CSDC2: variants seen among roughly 807,000 people sequenced by gnomAD.
The protein encoded by CSDC2 is cold shock domain containing C2.
In CSDC2, 8 loss-of-function variants were observed where a neutral mutation model predicts 15.8. The ratio of observed to expected loss-of-function variants is 0.51; its 90% CI spans 0.30 to 0.92. The LOEUF is 0.92. Ranked by LOEUF, CSDC2 falls within the 40% of genes least tolerant of loss-of-function variation. CSDC2 has a pLI of 0.07. For synonymous variants in CSDC2, 96 were observed against 92.3 expected (o/e 1.04, Z -0.23); for missense variants, 195 against 213.3 (o/e 0.91, Z 0.53).
At chr22:41,568,171 C>CTGTAG (rs1385468850) in intron 1 of CSDC2, among the ~76,000 whole-genome samples, 1 of 122,834 alleles carries the variant, frequency 8.1e-6, no homozygotes, top group Admixed American at 1.1e-4. Context: ...GTCGCCCAGG[C>CTGTAG]TGTAGTGCAG....
Position 41,573,725 on chromosome 22 carries a change from G to A in CSDC2, c.247G>A (p.Gly83Ser), listed in dbSNP as rs2067159798. Reference protein sequence around the residue: ...CKQFSRSQGHGFITPENGSED... With the variant: ...CKQFSRSQGHSFITPENGSED... ...GCAGTTCTCACGCTCACAGGGCCAT[G>A]GCTTCATCACCCCCGAGAACGGGTC... Residue 83 changes from glycine (G) to serine (S), a missense_variant, in exon 3 of 4, where the codon GGC becomes AGC. Coordinates refer to ENST00000306149, the MANE Select transcript of CSDC2 (RefSeq NM_014460.4). 1 of 1,613,880 alleles carries A rather than the reference G, an allele frequency of 6.2e-7. No individual in the cohort carries two copies. The highest frequency in any genetic ancestry group is 1.7e-5 in the Admixed American group (1 of 60,002).
chr22:41,566,462 A>T (rs1394555310), intron 1 of CSDC2, among the ~76,000 whole-genome samples: 3 of 149,134 alleles, frequency 2.0e-5, no homozygotes, highest in African/African-American at 7.4e-5. Flanking sequence ...AAAAAAAAAA[A>T]AAAAACACAC....
intron 2 of CSDC2, 32 bp downstream of exon 2, chr22:41,572,173 C>A (rs371415189): frequency 3.7e-5 from 48 of 1,280,408 alleles, no homozygotes; most frequent in Non-Finnish European, 4.3e-5. Flanking sequence ...AGGCCCCTGA[C>A]CCTTGTCAGG....
rs546569800 is a variant in CSDC2, at chr22:41,561,545, G to A, written c.-124+362G>A. On this transcript the variant is annotated intron_variant, in intron 1 of 3. Transcript: ENST00000306149. The stretch of plus-strand genomic sequence containing the variant: ...CCTTGACCAGAGAAACCCCAGTGCC[G>A]CTTCCAGTTGCTGAAAGCAGAGTGC... Among the ~76,000 whole-genome samples the A allele has an allele frequency of 2.3e-3, 356 of 152,332 alleles. 4 individuals carry two copies. The highest frequency in any genetic ancestry group is 0.011 in the South Asian group (51 of 4,830).
At chr22:41,566,824 G>A (rs2067118492) in intron 1 of CSDC2, among the ~76,000 whole-genome samples, 1 of 151,592 alleles carries the variant, frequency 6.6e-6, no homozygotes, top group Non-Finnish European at 1.5e-5. Context: ...CTACTCGGGA[G>A]GCTGAGGCAG....
chr22:41,566,969 G>T (rs1403149454), intron 1 of CSDC2, among the ~76,000 whole-genome samples: 1 of 151,726 alleles, frequency 6.6e-6, no homozygotes, highest in African/African-American at 2.4e-5. Flanking sequence ...CTGGGTTGCA[G>T]TGGAACAAGG....
At chr22:41,568,831 C>T (rs1287658663) in intron 1 of CSDC2, among the ~76,000 whole-genome samples, 2 of 152,258 alleles carry the variant, frequency 1.3e-5, no homozygotes, top group Non-Finnish European at 2.9e-5. Context: ...TGCCCTCGAC[C>T]CTGGCCCAGA....
chr22:41,572,971 C>T (rs528360201), intron 2 of CSDC2, among the ~76,000 whole-genome samples: 14 of 152,238 alleles, frequency 9.2e-5, no homozygotes, highest in South Asian at 2.1e-4. Flanking sequence ...AACTTCCTGG[C>T]CTTCAGCAAT....
intron 1 of CSDC2, among the ~76,000 whole-genome samples, chr22:41,563,498 T>C (rs989553159): frequency 1.3e-5 from 2 of 152,116 alleles, no homozygotes; most frequent in African/African-American, 2.4e-5. Context: ...GACATTTTTA[T>C]TGGGGGAGTT....
At chr22:41,562,824 C>T (rs2067094238) in intron 1 of CSDC2, among the ~76,000 whole-genome samples, 1 of 152,188 alleles carries the variant, frequency 6.6e-6, no homozygotes, top group Non-Finnish European at 1.5e-5. Context: ...CACTCCTGGG[C>T]TGGGGGGCTG....
At chr22:41,563,949 T>C (rs1601990326) in intron 1 of CSDC2, among the ~76,000 whole-genome samples, 1 of 148,086 alleles carries the variant, frequency 6.8e-6, no homozygotes, top group Admixed American at 6.7e-5. Flanking sequence ...CCGAGCGTGG[T>C]GGCGGGCACC....
At chr22:41,571,381 C>T (rs1239181477) in intron 1 of CSDC2, among the ~76,000 whole-genome samples, 2 of 152,106 alleles carry the variant, frequency 1.3e-5, no homozygotes, top group African/African-American at 4.8e-5. Context: ...TTGACCAGAG[C>T]CAAGGCTATG....
chr22:41,565,159 C>CAA (rs34446853), intron 1 of CSDC2, among the ~76,000 whole-genome samples: 11 of 137,226 alleles, frequency 8.0e-5, no homozygotes, highest in African/African-American at 2.7e-4. Context: ...GAGTGAGACT[C>CAA]AAAAAAAAAA....
rs999987858 is a variant in CSDC2, at chr22:41,575,137, C to T, written c.*242C>T. 17 of 575,610 alleles carry T rather than the reference C, an allele frequency of 3.0e-5. No individual in the cohort carries two copies. The highest frequency in any genetic ancestry group is 4.2e-5 in the South Asian group (2 of 48,024). The allele number at this position is 575,610 out of a possible 1,614,324, so 35.7% of individuals were successfully genotyped here. On this transcript the variant is annotated 3_prime_UTR_variant, in exon 4 of 4. Transcript: ENST00000306149. Reference sequence around the variant, plus strand: ...AGGGCAAGGCCACCAGACCTGGCTTCGCGCTGTCCACTGCCTCTCTCCTCC... The same window carrying T: ...AGGGCAAGGCCACCAGACCTGGCTTTGCGCTGTCCACTGCCTCTCTCCTCC...
intron 2 of CSDC2, among the ~76,000 whole-genome samples, 167 bp downstream of exon 2, chr22:41,572,308 C>A (rs1036246342): frequency 6.7e-6 from 1 of 148,156 alleles, no homozygotes; most frequent in African/African-American, 2.5e-5. Context: ...ATCCATCCAC[C>A]CATCCACCCA....
chr22:41,567,264 C>T (rs143333143), intron 1 of CSDC2, among the ~76,000 whole-genome samples: 1 of 152,336 alleles, frequency 6.6e-6, no homozygotes, highest in African/African-American at 2.4e-5. Context: ...ACAGGAAGAG[C>T]ACTGGTTTAC....
In CSDC2 at chr22:41,571,939, C is replaced by T. The variant is rs2067147216; in HGVS notation, c.-27C>T. The stretch of plus-strand genomic sequence containing the variant: ...CTCACCGGCCCCTGGGCCCCAGAGC[C>T]CACCAGGCTCTCCTGCTGGCCCCAC... On this transcript the variant is annotated 5_prime_UTR_variant, in exon 2 of 4. Transcript: ENST00000306149. The T allele has an allele frequency of 2.3e-6, 3 of 1,312,992 alleles. No homozygotes were observed. Among genetic ancestry groups the T allele is most frequent in the Non-Finnish European group, 2.9e-6 (3 of 1,023,500 alleles). The allele number at this position is 1,312,992 out of a possible 1,614,324, so 81.3% of individuals were successfully genotyped here.
In CSDC2 at chr22:41,576,540, G is replaced by C. The variant is rs2067176496; in HGVS notation, c.*1645G>C. Reference sequence around the variant, plus strand: ...GCCCTGGGGCCTCCTGGGTGGCAGGGGGGCAGCAGCTCTCCTCCCCACTCA... The same window carrying C: ...GCCCTGGGGCCTCCTGGGTGGCAGGCGGGCAGCAGCTCTCCTCCCCACTCA... On this transcript the variant is annotated 3_prime_UTR_variant, in exon 4 of 4. Coordinates refer to ENST00000306149, the MANE Select transcript of CSDC2 (RefSeq NM_014460.4). The C allele has an allele frequency of 6.5e-6, 1 of 153,086 alleles. No individual in the cohort carries two copies. Among genetic ancestry groups the C allele is most frequent in the African/African-American group, 2.4e-5 (1 of 41,424 alleles). The allele number at this position is 153,086 out of a possible 1,614,324, so 9.5% of individuals were successfully genotyped here. A position where few individuals can be genotyped will look rare whatever the true frequency, so the allele number is the denominator to read the frequency against.
intron 1 of CSDC2, among the ~76,000 whole-genome samples, chr22:41,563,173 G>GACGCAGGC (rs1285770223): frequency 6.6e-6 from 1 of 152,164 alleles, no homozygotes; most frequent in Non-Finnish European, 1.5e-5. Flanking sequence ...CTCATGCACA[G>GACGCAGGC]ACGCAGGCAC....
Sources: allele counts gnomAD v4.1 joint callset (sites outside exome capture counted in the v4.1 genomes callset), GRCh38; gene constraint gnomAD v4.1.1; transcripts MANE v1.5; gene names NCBI Gene and HGNC (gene_info 2026-07-23, HGNC 2026-07-21).